The following IGFBPL1 variants were observed in gnomAD, a reference collection of about 807,000 sequenced individuals.
IGFBPL1 encodes insulin-like growth factor-binding protein-like 1.
Under a neutral mutation model 23.9 loss-of-function variants are expected in IGFBPL1, and 20 were observed. The observed-to-expected ratio is 0.84, with a 90% confidence interval of 0.59 to 1.22. The LOEUF (loss-of-function observed/expected upper bound fraction) is 1.22. Ranked by LOEUF, IGFBPL1 falls within the 50% of genes most tolerant of loss-of-function variation. The pLI, the probability that IGFBPL1 is intolerant of heterozygous loss-of-function variation, is 0.00. For missense variants in IGFBPL1, 436 were observed against 379.3 expected, an observed-to-expected ratio of 1.15 and a Z score of -1.24; for synonymous variants, 184 against 171.8, an observed-to-expected ratio of 1.07 and a Z score of -0.56.
rs1821466704 is a variant in IGFBPL1 at position 38,408,649 on chromosome 9, C to T, written c.*578G>A. ...AGGGAATACCATTTTAGAAAGAACACTAAGACCACACTTCCTGTTATTTTC... is the reference window on the plus strand; with the variant it reads ...AGGGAATACCATTTTAGAAAGAACATTAAGACCACACTTCCTGTTATTTTC... On this transcript the variant is annotated 3_prime_UTR_variant, in exon 5 of 5. Coordinates refer to ENST00000377694, the MANE Select transcript of IGFBPL1 (RefSeq NM_001007563.3). 6.6e-6 allele frequency among the ~76,000 whole-genome samples: 1 copy of T among 152,102 alleles called. No individual in the cohort carries two copies. Among genetic ancestry groups the T allele is most frequent in the African/African-American group, 2.4e-5 (1 of 41,392 alleles).
intron 3 of IGFBPL1, among the ~76,000 whole-genome samples, chr9:38,412,116 A>G (rs1289495473): frequency 1.3e-5 from 2 of 152,204 alleles, no homozygotes; most frequent in Non-Finnish European, 2.9e-5. Context: ...GAGCACCCCA[A>G]GGATGTTCAC....
intron 4 of IGFBPL1, among the ~76,000 whole-genome samples, chr9:38,410,350 G>T (rs973910297): frequency 1.3e-5 from 2 of 152,122 alleles, no homozygotes; most frequent in African/African-American, 4.8e-5. Context: ...AGGTGTGGTG[G>T]CGGGTGCCTG....
At chr9:38,413,165 A>G in intron 3 of IGFBPL1, 72 bp downstream of exon 3, 1 of 1,007,440 alleles carries the variant, frequency 9.9e-7, no homozygotes. Flanking sequence ...TGAAACATGT[A>G]ATGTGTTGTA....
chr9:38,424,230 G>A lies in IGFBPL1; in HGVS notation c.195C>T (p.Cys65=), dbSNP rs905907127. The change falls in exon 1 of 5, where the codon TGC becomes TGT. Residue 65 remains cysteine, a synonymous_variant. Transcript: ENST00000377694. ...PGISALDECG[C]CARCLGAEGA... ...CCTCGGCTCCCAGGCAGCGGGCGCA[G>A]CAGCCGCACTCGTCGAGCGCCGAGA... 15 of 1,200,368 alleles carry A rather than the reference G, an allele frequency of 1.2e-5. No homozygotes were observed. Among genetic ancestry groups the A allele is most frequent in the Middle Eastern group, 6.7e-4 (2 of 2,984 alleles). 74.4% of individuals were successfully genotyped at this position (1,200,368 alleles called of 1,614,324 possible).
intron 4 of IGFBPL1, among the ~76,000 whole-genome samples, chr9:38,410,212 G>A (rs987520926): frequency 7.2e-5 from 11 of 152,200 alleles, no homozygotes; most frequent in Non-Finnish European, 1.5e-4. Context: ...GCCAGGCACG[G>A]TGGCTCACGC....
intron 1 of IGFBPL1, among the ~76,000 whole-genome samples, chr9:38,419,891 C>T (rs7029378): frequency 0.033 from 4,174 of 126,178 alleles, 77 homozygotes; most frequent in Middle Eastern, 0.078. Context: ...TCCTCCTCCT[C>T]CTTCTTCTTC....
chr9:38,406,793 T>TATTC lies in IGFBPL1; in HGVS notation c.*2433_*2434insGAAT, dbSNP rs887684164. Among the ~76,000 whole-genome samples the TATTC allele has an allele frequency of 1.3e-5, 2 of 151,758 alleles. No homozygotes were observed. The highest frequency in any genetic ancestry group is 2.9e-5 in the Non-Finnish European group (2 of 67,922). Reference sequence around the variant, plus strand: ...AAATTTCAGACAGTGTGACATTAATTATTTGTCTTTGCACAGAATGATGAT... The same window carrying TATTC: ...AAATTTCAGACAGTGTGACATTAATTATTCATTTGTCTTTGCACAGAATGATGAT... On this transcript the variant is annotated 3_prime_UTR_variant, in exon 5 of 5. Transcript: ENST00000377694.
At position 38,423,953 on chromosome 9, in the gene IGFBPL1, A is replaced by AC; in HGVS notation, c.460+11dup. ...TCCTTCTCTACCCACCCAATCCCCG[A>AC]CCCTGACTCACCGAACTCGCAAGGG... is the stretch of plus-strand genomic sequence containing the variant. On this transcript the variant is annotated intron_variant, in intron 1 of 4. Transcript: ENST00000377694. The AC allele has an allele frequency of 1.5e-5, 20 of 1,376,758 alleles. No individual in the cohort carries two copies. The highest frequency in any genetic ancestry group is 1.9e-5 in the Non-Finnish European group (20 of 1,071,392). 85.3% of individuals were successfully genotyped at this position (1,376,758 alleles called of 1,614,324 possible). A position where few individuals can be genotyped will look rare whatever the true frequency, so the allele number is the denominator to read the frequency against.
intron 1 of IGFBPL1, among the ~76,000 whole-genome samples, chr9:38,417,330 C>T (rs1171465639): frequency 1.3e-5 from 2 of 152,318 alleles, no homozygotes; most frequent in African/African-American, 4.8e-5. Context: ...CGTACACCAC[C>T]CTTTCATCCT....
chr9:38,415,955 T>C (rs1476457057), intron 1 of IGFBPL1, among the ~76,000 whole-genome samples: 1 of 152,154 alleles, frequency 6.6e-6, no homozygotes, highest in Non-Finnish European at 1.5e-5. Context: ...GCCCAACCCA[T>C]GTGCCTGAAT....
Position 38,423,972 on chromosome 9 carries a change from G to C in IGFBPL1, c.453C>G (p.Cys151Trp). ...GHLHKARDGP[C>W]EFAPVVVVPP... ...TCCCCGACCCTGACTCACCGAACTC[G>C]CAAGGGCCGTCGCGCGCCTTGTGCA... Residue 151 changes from cysteine to tryptophan, a missense_variant, in exon 1 of 5, where the codon TGC (cysteine) becomes TGG (tryptophan). Cys to Trp is a radical substitution (Grantham distance 215). Coordinates refer to ENST00000377694, the MANE Select transcript of IGFBPL1 (RefSeq NM_001007563.3). The C allele has an allele frequency of 2.1e-6, 3 of 1,402,330 alleles. No individual in the cohort carries two copies. The highest frequency in any genetic ancestry group is 2.8e-6 in the Non-Finnish European group (3 of 1,086,966). The allele number at this position is 1,402,330 out of a possible 1,614,324, so 86.9% of individuals were successfully genotyped here.
At position 38,423,566 on chromosome 9, in the gene IGFBPL1, TACTTCCCTTCCTCCCCCAACCTCA is replaced by T. The variant is rs1299280849; in HGVS notation, c.460+375_460+398del. On this transcript the variant is annotated intron_variant, in intron 1 of 4. Coordinates refer to ENST00000377694, the MANE Select transcript of IGFBPL1 (RefSeq NM_001007563.3). Reference sequence around the variant, plus strand: ...CAACTTCCCTTCCTCCCCTATCCTCTACTTCCCTTCCTCCCCCAACCTCAACTTCCCTTCCTCCCCATTCAAACA... The same window carrying T: ...CAACTTCCCTTCCTCCCCTATCCTCTACTTCCCTTCCTCCCCATTCAAACA... Among the ~76,000 whole-genome samples, 18 of 151,156 alleles carry T rather than the reference TACTTCCCTTCCTCCCCCAACCTCA, an allele frequency of 1.2e-4. 1 individual carries two copies. The highest frequency in any genetic ancestry group is 4.4e-4 in the African/African-American group (18 of 40,736).
rs1821722255 is a variant in IGFBPL1, at chr9:38,424,063, G to C, written c.362C>G (p.Ser121Trp). ...GCGCAGCGCGCAGACGCTGGGGTAC[G>C]AGCGACCGTCGGAGCCGCAGACGGT... is the stretch of plus-strand genomic sequence containing the variant. ...RGTVCGSDGRSYPSVCALRLR... is the reference protein window; with the variant it reads ...RGTVCGSDGRWYPSVCALRLR... Residue 121 changes from serine to tryptophan, a missense_variant, in exon 1 of 5, where the codon TCG becomes TGG. By Grantham distance (177) the Ser-to-Trp change is radical (BLOSUM62 -3). Transcript: ENST00000377694. The C allele has an allele frequency of 2.9e-6, 4 of 1,400,096 alleles. No homozygotes were observed. Among genetic ancestry groups the C allele is most frequent in the Non-Finnish European group, 3.7e-6 (4 of 1,083,306 alleles). The allele number at this position is 1,400,096 out of a possible 1,614,324, so 86.7% of individuals were successfully genotyped here. A position where few individuals can be genotyped will look rare whatever the true frequency, so the allele number is the denominator to read the frequency against.
At chr9:38,419,696 A>C (rs1284252897) in intron 1 of IGFBPL1, among the ~76,000 whole-genome samples, 1 of 152,216 alleles carries the variant, frequency 6.6e-6, no homozygotes, top group African/African-American at 2.4e-5. Context: ...TGAACTATCC[A>C]GCCTTTAAAG....
At chr9:38,411,952 C>T (rs1369891305) in intron 3 of IGFBPL1, among the ~76,000 whole-genome samples, 1 of 152,170 alleles carries the variant, frequency 6.6e-6, no homozygotes, top group Non-Finnish European at 1.5e-5. Flanking sequence ...CCAGAGATAA[C>T]CTCTTTTCCC....
chr9:38,421,981 C>G (rs1437278092), intron 1 of IGFBPL1, among the ~76,000 whole-genome samples: 1 of 152,174 alleles, frequency 6.6e-6, no homozygotes, highest in African/African-American at 2.4e-5. Flanking sequence ...TTCCCTGGGT[C>G]TGTGCCTGGG....
chr9:38,411,413 T>A lies in IGFBPL1; in HGVS notation c.824A>T (p.Asp275Val), dbSNP rs552052043. Residue 275 changes from aspartate to valine, a missense_variant, in exon 4 of 5, where the codon GAT (aspartate) becomes GTT (valine). Coordinates refer to ENST00000377694, the MANE Select transcript of IGFBPL1 (RefSeq NM_001007563.3). The stretch of plus-strand genomic sequence containing the variant: ...TACATTTCTCCATCACATGCGGTCA[T>A]CGGGAGCTGGGAAGTGGAAGCTCCT... ...KYRSFHFPAP[D>V]DRM 3 of 1,607,644 alleles carry A rather than the reference T, an allele frequency of 1.9e-6. No individual in the cohort carries two copies. The highest frequency in any genetic ancestry group is 1.7e-6 in the Non-Finnish European group (2 of 1,179,242).
At position 38,411,462 on chromosome 9, in the gene IGFBPL1, T is replaced by C. The variant is rs541253984; in HGVS notation, c.775A>G (p.Thr259Ala). The C allele has an allele frequency of 1.7e-4, 278 of 1,614,128 alleles. 2 individuals are homozygous for C. The South Asian group carries it at 2.7e-3, about 16-fold the overall frequency. Residue 259 changes from threonine (T) to alanine (A), a missense_variant, in exon 4 of 5, where the codon ACG (threonine) becomes GCG (alanine). Coordinates refer to ENST00000377694, the MANE Select transcript of IGFBPL1 (RefSeq NM_001007563.3). ...CTGTATTTACTCAGATCTAGAACCG[T>C]CACTGTGCTGTGGGACTCAGCCTCT... ...VGEAESHSTVTVLDLSKYRSF... is the reference protein window; with the variant it reads ...VGEAESHSTVAVLDLSKYRSF...
rs568470271 is a variant in IGFBPL1 at position 38,407,842 on chromosome 9, A to G, written c.*1385T>C. On this transcript the variant is annotated 3_prime_UTR_variant, in exon 5 of 5. Transcript: ENST00000377694. ...GTTGGGATCAAGCTTTATGAACTTAAAGGACTGTGCATAGTAAGGGCTCTC... is the reference window on the plus strand; with the variant it reads ...GTTGGGATCAAGCTTTATGAACTTAGAGGACTGTGCATAGTAAGGGCTCTC... Among the ~76,000 whole-genome samples the G allele has an allele frequency of 2.6e-5, 4 of 152,314 alleles. No individual in the cohort carries two copies. Among genetic ancestry groups the G allele is most frequent in the African/African-American group, 9.6e-5 (4 of 41,566 alleles).
Sources: allele counts gnomAD v4.1 joint callset (sites outside exome capture counted in the v4.1 genomes callset), GRCh38; gene constraint gnomAD v4.1.1; transcripts MANE v1.5; gene names NCBI Gene and HGNC (gene_info 2026-07-23, HGNC 2026-07-21).